AGR3: variants seen among roughly 807,000 people sequenced by gnomAD.
AGR3 encodes the protein anterior gradient 3, protein disulphide isomerase family member, also known as anterior gradient protein 3.
In AGR3, 37 loss-of-function variants were observed where a neutral mutation model predicts 24.5. The observed-to-expected ratio is 1.51, with a 90% CI of 1.16 to 1.99. The LOEUF is 1.99. Among genes scored for constraint, AGR3 ranks in the 30% most tolerant of loss-of-function variants. The pLI is 0.00. For synonymous variants in AGR3, 75 were observed against 61.6 expected (o/e 1.22, Z -1.02); for missense variants, 228 against 191.1 (o/e 1.19, Z -1.14).
At chr7:16,860,478 G>A in intron 7 of AGR3, 22 bp downstream of exon 7, 1 of 1,569,830 alleles carries the variant, frequency 6.4e-7, no homozygotes, top group Non-Finnish European at 8.8e-7. Context: ...ACCACTGTTT[G>A]AGATCATTTG....
At chr7:16,881,124 G>A (rs752410740) in intron 1 of AGR3, among the ~76,000 whole-genome samples, 5 of 152,188 alleles carry the variant, frequency 3.3e-5, no homozygotes, top group Non-Finnish European at 7.4e-5. Flanking sequence ...TAGCTACAGA[G>A]ACAAGCAGGT....
At chr7:16,864,531 G>A (rs112616903) in intron 3 of AGR3, 38 of 1,309,592 alleles carry the variant, frequency 2.9e-5, no homozygotes, top group African/African-American at 1.3e-4. Flanking sequence ...TCAGTCTTCC[G>A]AAGTGTTGCT....
At chr7:16,880,560 C>T (rs1329112703) in intron 1 of AGR3, among the ~76,000 whole-genome samples, 2 of 132,270 alleles carry the variant, frequency 1.5e-5, no homozygotes, top group Non-Finnish European at 3.2e-5. Context: ...CCCTCCTTTC[C>T]CCTCCTTTCC....
chr7:16,856,716 T>C (rs1052048097), downstream of AGR3, among the ~76,000 whole-genome samples: 3 of 152,158 alleles, frequency 2.0e-5, no homozygotes, highest in African/African-American at 7.2e-5. Flanking sequence ...TGTTGGTAAC[T>C]TTTTTAAAAT....
downstream of AGR3, among the ~76,000 whole-genome samples, chr7:16,855,898 T>C (rs911685559): frequency 1.6e-4 from 24 of 152,210 alleles, no homozygotes; most frequent in Admixed American, 2.6e-4. Flanking sequence ...TATACTTATG[T>C]ATTGTAAGAT....
intron 2 of AGR3, among the ~76,000 whole-genome samples, chr7:16,878,121 T>C (rs904153569): frequency 6.6e-5 from 10 of 151,976 alleles, no homozygotes; most frequent in East Asian, 1.9e-4. Flanking sequence ...TTCCAATTTT[T>C]TTTTTTTTGG....
chr7:16,867,552 T>C (rs769929646), intron 3 of AGR3, among the ~76,000 whole-genome samples: 1 of 152,224 alleles, frequency 6.6e-6, no homozygotes, highest in Non-Finnish European at 1.5e-5. Context: ...TTTTCATGTA[T>C]AAAATATATT....
intron 3 of AGR3, among the ~76,000 whole-genome samples, chr7:16,871,001 G>T (rs1406173398): frequency 1.3e-5 from 2 of 152,112 alleles, no homozygotes; most frequent in Non-Finnish European, 2.9e-5. Flanking sequence ...CATTCCCAAA[G>T]ACTTAGTAGG....
intron 1 of AGR3, among the ~76,000 whole-genome samples, chr7:16,879,277 T>C (rs1782056405): frequency 6.6e-6 from 1 of 152,224 alleles, no homozygotes; most frequent in Non-Finnish European, 1.5e-5. Context: ...CATATTACTA[T>C]AAATTAGACA....
intron 3 of AGR3, chr7:16,864,290 CTAT>C: frequency 7.4e-7 from 1 of 1,356,570 alleles, no homozygotes; most frequent in Non-Finnish European, 1.1e-6. Flanking sequence ...TCATAGTCTT[CTAT>C]TATTATATTT....
intron 1 of AGR3, among the ~76,000 whole-genome samples, chr7:16,880,218 T>TG (rs1278092908): frequency 6.7e-6 from 1 of 148,210 alleles, no homozygotes; most frequent in East Asian, 2.0e-4. Flanking sequence ...TGGAGTGCAG[T>TG]GGGGCCATCT....
intron 3 of AGR3, chr7:16,865,027 G>T: frequency 1.2e-6 from 1 of 831,650 alleles, no homozygotes; most frequent in African/African-American, 1.7e-5. Context: ...TATGTATCCT[G>T]TTCATATTCT....
At chr7:16,872,213 A>G (rs1278714266) in intron 3 of AGR3, among the ~76,000 whole-genome samples, 1 of 152,232 alleles carries the variant, frequency 6.6e-6, no homozygotes, top group Non-Finnish European at 1.5e-5. Flanking sequence ...AATATACTGC[A>G]AAGCTATAGT....
At chr7:16,879,931 A>G (rs1012894599) in intron 1 of AGR3, among the ~76,000 whole-genome samples, 1 of 152,094 alleles carries the variant, frequency 6.6e-6, no homozygotes, top group Non-Finnish European at 1.5e-5. Context: ...CTCCCATTAT[A>G]CTGTTTTCCC....
chr7:16,879,511 A>C (rs981413761), intron 1 of AGR3, among the ~76,000 whole-genome samples: 1 of 152,224 alleles, frequency 6.6e-6, no homozygotes. Context: ...TATAAAACTG[A>C]TTTGAAAATG....
At chr7:16,854,868 C>T (rs553359438), downstream of AGR3, among the ~76,000 whole-genome samples, 8 of 152,168 alleles carry the variant, frequency 5.3e-5, no homozygotes, top group Non-Finnish European at 1.2e-4. Flanking sequence ...CTGCTTCCTG[C>T]TCACATGGCA....
At chr7:16,875,617 A>G (rs367937872) in intron 2 of AGR3, among the ~76,000 whole-genome samples, 6 of 152,262 alleles carry the variant, frequency 3.9e-5, no homozygotes, top group African/African-American at 1.2e-4. Flanking sequence ...TATCTTGGGT[A>G]TATACCTAGG....
At chr7:16,869,084 C>A (rs1049220318) in intron 3 of AGR3, among the ~76,000 whole-genome samples, 2 of 152,126 alleles carry the variant, frequency 1.3e-5, no homozygotes, top group African/African-American at 2.4e-5. Context: ...TAGTTCAAGT[C>A]CAATGTTTCC....
rs145723961 is a variant in AGR3, at chr7:16,865,964, G to C, written c.174-3302C>G. On this transcript the variant is annotated intron_variant, in intron 3 of 7. Coordinates refer to ENST00000310398, the MANE Select transcript of AGR3 (RefSeq NM_176813.5). ...TTCTAAGACTTGAGCTTTTTACCAG[G>C]TTTCAACTTCTTCAATTATCTTTTC... The C allele has an allele frequency of 6.3e-5, 43 of 683,124 alleles. No homozygotes were observed. In the East Asian group the frequency reaches 9.4e-4, roughly 15 times the overall value. 42.3% of individuals were successfully genotyped at this position (683,124 alleles called of 1,614,324 possible).
Sources: gnomAD v4.1 joint callset for allele counts (sites outside exome capture counted in the v4.1 genomes callset) on GRCh38, gnomAD v4.1.1 for gene constraint, MANE v1.5 for transcripts, NCBI Gene and HGNC (gene_info 2026-07-23, HGNC 2026-07-21) for gene names.